Variants in KCNK2 observed in about 807,000 individuals in gnomAD.
KCNK2 encodes the protein potassium channel subfamily K member 2.
A neutral mutation model predicts 40.5 loss-of-function variants in KCNK2; 21 were observed. The ratio of observed to expected loss-of-function variants is 0.52; its 90% CI spans 0.37 to 0.75. KCNK2 has a LOEUF of 0.75. Among genes scored for constraint, KCNK2 ranks in the 30% least tolerant of loss-of-function variants. The probability of loss-of-function intolerance (pLI) is 0.00; values close to 1 mark genes in which losing one functional copy is unlikely to be tolerated. For synonymous variants in KCNK2, 191 were observed against 202.2 expected (o/e 0.94, Z 0.47); for missense variants, 399 against 531.6 (o/e 0.75, Z 2.45).
chr1:215,171,408 C>A (rs1442344564), intron 4 of KCNK2, among the ~76,000 whole-genome samples: 1 of 151,982 alleles, frequency 6.6e-6, no homozygotes, highest in African/African-American at 2.4e-5. Flanking sequence ...ATGTTGGAAT[C>A]AAACTGTGAA....
intron 6 of KCNK2, among the ~76,000 whole-genome samples, chr1:215,196,556 A>T (rs1664873849): frequency 6.6e-6 from 1 of 152,192 alleles, no homozygotes; most frequent in Non-Finnish European, 1.5e-5. Context: ...AAATATTTTT[A>T]TTATAAACAA....
intron 6 of KCNK2, among the ~76,000 whole-genome samples, chr1:215,226,438 G>A (rs1666388928): frequency 6.6e-6 from 1 of 152,134 alleles, no homozygotes; most frequent in Non-Finnish European, 1.5e-5. Flanking sequence ...CGATTCTCTT[G>A]CCTCAGCCTC....
At chr1:215,083,774 T>G in intron 1 of KCNK2, 1 of 385,186 alleles carries the variant, frequency 2.6e-6, no homozygotes, top group Non-Finnish European at 4.8e-6. Context: ...TTGTTGCCCA[T>G]TGCCTGGTGG....
rs185946523 is a variant in KCNK2 at position 215,110,288 on chromosome 1, C to T, written c.358-14345C>T. On this transcript the variant is annotated intron_variant, in intron 2 of 6. Transcript: ENST00000444842. ...GGTCTTAGCCATAACATTTTTGCCTCGATCAATGTCTTGAAGAGCTTTCAC... is the reference window on the plus strand; with the variant it reads ...GGTCTTAGCCATAACATTTTTGCCTTGATCAATGTCTTGAAGAGCTTTCAC... 3.8e-4 allele frequency among the ~76,000 whole-genome samples: 58 copies of T among 151,968 alleles called. No homozygotes were observed. The East Asian group carries it at 8.7e-3, about 23-fold the overall frequency.
intron 1 of KCNK2, among the ~76,000 whole-genome samples, chr1:215,034,262 G>A (rs1452613): frequency 0.85 from 129,634 of 152,158 alleles, 55,499 homozygotes; most frequent in East Asian, 0.99. Context: ...GTAATTCAAT[G>A]CTTTTCATTG....
In KCNK2 at chr1:215,009,126, A is replaced by G. The variant is rs1656287992; in HGVS notation, c.34+3171A>G. 1.3e-5 allele frequency among the ~76,000 whole-genome samples: 2 copies of G among 152,148 alleles called. 1 individual carries two copies. The highest frequency in any genetic ancestry group is 1.3e-4 in the Admixed American group (2 of 15,276). ...GAAAGTTTAAGGGCTGAAACTGTTC[A>G]TCTTTAAAATGTATCCTATAGTAGC... On this transcript the variant is annotated intron_variant, in intron 1 of 6. Transcript: ENST00000391895.
chr1:215,192,519 A>G (rs1483061058), intron 5 of KCNK2, among the ~76,000 whole-genome samples: 7 of 152,228 alleles, frequency 4.6e-5, no homozygotes, highest in Non-Finnish European at 2.9e-5. Flanking sequence ...ATCTTGGTGA[A>G]CTTATGTGTT....
At chr1:215,146,008 C>T (rs1441641738) in intron 3 of KCNK2, among the ~76,000 whole-genome samples, 1 of 152,066 alleles carries the variant, frequency 6.6e-6, no homozygotes, top group Non-Finnish European at 1.5e-5. Context: ...TCTTGATTGG[C>T]TTGAGCTTCA....
At chr1:215,123,066 G>A (rs1661265867) in intron 2 of KCNK2, among the ~76,000 whole-genome samples, 1 of 151,980 alleles carries the variant, frequency 6.6e-6, no homozygotes, top group African/African-American at 2.4e-5. Context: ...AATCTTTAAT[G>A]TGACAACTTT....
Position 215,083,201 on chromosome 1 carries a change from C to CG in KCNK2, c.-185_-184insG. 4.0e-6 allele frequency: 3 copies of CG among 753,662 alleles called. No individual in the cohort carries two copies. The highest frequency in any genetic ancestry group is 6.3e-6 in the Non-Finnish European group (3 of 479,538). 46.7% of individuals were successfully genotyped at this position (753,662 alleles called of 1,614,324 possible). Reference sequence around the variant, plus strand: ...TTTCGTTTCTTCTCACGCTCCCCCCCCCGCCCCCTCCCGCGTCCAGCCCCG... The same window carrying CG: ...TTTCGTTTCTTCTCACGCTCCCCCCCGCCGCCCCCTCCCGCGTCCAGCCCCG... On this transcript the variant is annotated 5_prime_UTR_variant, in exon 1 of 7. Coordinates refer to ENST00000444842, the MANE Select transcript of KCNK2 (RefSeq NM_001017425.3).
In KCNK2 at chr1:215,235,264, T is replaced by C; in HGVS notation, c.*119T>C. 2 of 765,322 alleles carry C rather than the reference T, an allele frequency of 2.6e-6. No individual in the cohort carries two copies. The allele number at this position is 765,322 out of a possible 1,614,324, so 47.4% of individuals were successfully genotyped here. The stretch of plus-strand genomic sequence containing the variant: ...GAGCTCAAAGGGGGAACAAAATAGA[T>C]ACACCCATCATGGTCATCTATCATC... On this transcript the variant is annotated 3_prime_UTR_variant, in exon 7 of 7. Coordinates refer to ENST00000444842, the MANE Select transcript of KCNK2 (RefSeq NM_001017425.3).
At chr1:215,154,489 C>T (rs1311202981) in intron 3 of KCNK2, among the ~76,000 whole-genome samples, 2 of 151,642 alleles carry the variant, frequency 1.3e-5, no homozygotes, top group East Asian at 1.9e-4. Flanking sequence ...AGACCTTTGT[C>T]AGATGGGTAG....
intron 4 of KCNK2, among the ~76,000 whole-genome samples, chr1:215,170,575 A>C (rs1663665352): frequency 6.6e-6 from 1 of 152,146 alleles, no homozygotes; most frequent in Non-Finnish European, 1.5e-5. Context: ...AATATCGAGT[A>C]TTGTTTTCTC....
At chr1:215,028,822 A>T (rs1657085675) in intron 1 of KCNK2, among the ~76,000 whole-genome samples, 1 of 152,182 alleles carries the variant, frequency 6.6e-6, no homozygotes, top group South Asian at 2.1e-4. Context: ...CTCCTAGACA[A>T]CATTGTTCTG....
intron 1 of KCNK2, among the ~76,000 whole-genome samples, chr1:215,031,993 G>A (rs1051267618): frequency 2.6e-5 from 4 of 151,796 alleles, no homozygotes; most frequent in South Asian, 2.1e-4. Context: ...TCCTGTTCTC[G>A]TATCATTGCG....
At chr1:215,233,301 A>C (rs1040850262) in intron 6 of KCNK2, among the ~76,000 whole-genome samples, 2 of 152,124 alleles carry the variant, frequency 1.3e-5, no homozygotes, top group African/African-American at 4.8e-5. Flanking sequence ...AGACAGTATA[A>C]CTAGGAAATA....
At chr1:215,068,049 C>CTT (rs397782084) in intron 1 of KCNK2, among the ~76,000 whole-genome samples, 4 of 138,226 alleles carry the variant, frequency 2.9e-5, no homozygotes, top group South Asian at 2.3e-4. Context: ...GTTTCTTTTT[C>CTT]TTTTTTTTTT....
At chr1:215,148,119 C>T (rs1175604658) in intron 3 of KCNK2, among the ~76,000 whole-genome samples, 1 of 100,228 alleles carries the variant, frequency 1.0e-5, no homozygotes, top group African/African-American at 4.1e-5. Flanking sequence ...TGCTCTGTTG[C>T]CCAGGCGGGA....
At chr1:215,234,031 C>A (rs1666777600) in intron 6 of KCNK2, among the ~76,000 whole-genome samples, 1 of 152,094 alleles carries the variant, frequency 6.6e-6, no homozygotes, top group African/African-American at 2.4e-5. Context: ...ATTAGCTCAG[C>A]CATCCTGTTA....
Sources: allele counts gnomAD v4.1 joint callset (sites outside exome capture counted in the v4.1 genomes callset), GRCh38; gene constraint gnomAD v4.1.1; transcripts MANE v1.5; gene names NCBI Gene and HGNC (gene_info 2026-07-23, HGNC 2026-07-21).